Variants in GRM8 observed in about 807,000 individuals in gnomAD.
GRM8 encodes glutamate metabotropic receptor 8.
GRM8 carries 47 observed loss-of-function variants against 87.2 expected under a neutral mutation model. The observed-to-expected ratio is 0.54, with a 90% CI of 0.43 to 0.69. The LOEUF is 0.69. Ranked by LOEUF, GRM8 falls within the 30% of genes least tolerant of loss-of-function variation. GRM8 has a pLI of 0.00. For synonymous variants in GRM8, 396 were observed against 404.5 expected (o/e 0.98, Z 0.25); for missense variants, 1,019 against 1,139.2 (o/e 0.89, Z 1.52).
intron 3 of GRM8, among the ~76,000 whole-genome samples, chr7:127,075,507 TG>T (rs902317518): frequency 3.5e-4 from 53 of 151,982 alleles, no homozygotes; most frequent in African/African-American, 1.1e-3. Flanking sequence ...GAAGTATATG[TG>T]GGGCAGGGGG....
At chr7:127,195,082 A>G (rs1489691192) in intron 2 of GRM8, among the ~76,000 whole-genome samples, 1 of 152,178 alleles carries the variant, frequency 6.6e-6, no homozygotes, top group Non-Finnish European at 1.5e-5. Flanking sequence ...TCTCTTTGCC[A>G]TCCTTCCCAC....
chr7:126,479,612 TC>T (rs1209929530), intron 9 of GRM8, among the ~76,000 whole-genome samples: 1 of 152,114 alleles, frequency 6.6e-6, no homozygotes, highest in Non-Finnish European at 1.5e-5. Flanking sequence ...CTTGTGTTTA[TC>T]CACCAGTCAG....
chr7:126,611,555 T>G (rs1798914775), intron 7 of GRM8, among the ~76,000 whole-genome samples: 1 of 152,262 alleles, frequency 6.6e-6, no homozygotes, highest in South Asian at 2.1e-4. Context: ...CACATTAACA[T>G]GATCAACTTC....
chr7:126,862,212 C>G (rs1238660637), intron 6 of GRM8, among the ~76,000 whole-genome samples: 1 of 151,954 alleles, frequency 6.6e-6, no homozygotes, highest in East Asian at 1.9e-4. Context: ...CAACAATAAT[C>G]TATCCTCTCC....
At chr7:126,442,058 C>T (rs1801530926) in intron 10 of GRM8, among the ~76,000 whole-genome samples, 1 of 151,824 alleles carries the variant, frequency 6.6e-6, no homozygotes, top group Non-Finnish European at 1.5e-5. Flanking sequence ...ATCACTGGTT[C>T]AAAACCTACA....
chr7:126,547,405 TA>T (rs930636559), intron 8 of GRM8, among the ~76,000 whole-genome samples: 16 of 152,158 alleles, frequency 1.1e-4, no homozygotes, highest in Admixed American at 3.3e-4. Context: ...AAATTTCTAT[TA>T]AAAAATTCAG....
intron 7 of GRM8, among the ~76,000 whole-genome samples, chr7:126,670,001 G>A (rs1271668634): frequency 6.6e-6 from 1 of 152,132 alleles, no homozygotes; most frequent in Non-Finnish European, 1.5e-5. Context: ...TGGTTTTTCT[G>A]TAAATTGAAC....
chr7:127,046,707 T>G (rs576126382), intron 3 of GRM8, among the ~76,000 whole-genome samples: 1 of 152,374 alleles, frequency 6.6e-6, no homozygotes, highest in South Asian at 2.1e-4. Context: ...ATCTTGAATT[T>G]TCTTTTAAAT....
chr7:127,068,722 G>A (rs1821381299), intron 3 of GRM8, among the ~76,000 whole-genome samples: 1 of 152,198 alleles, frequency 6.6e-6, no homozygotes, highest in African/African-American at 2.4e-5. Flanking sequence ...CAGAGCAGGA[G>A]ACAGGCTGAA....
At chr7:126,582,411 T>A (rs563296123) in intron 8 of GRM8, among the ~76,000 whole-genome samples, 3 of 152,118 alleles carry the variant, frequency 2.0e-5, no homozygotes, top group African/African-American at 7.2e-5. Flanking sequence ...TCATGAGATT[T>A]AAGGAACAAA....
chr7:126,702,094 A>G (rs1365025163), intron 7 of GRM8, among the ~76,000 whole-genome samples: 1 of 152,220 alleles, frequency 6.6e-6, no homozygotes, highest in Non-Finnish European at 1.5e-5. Context: ...ATTCAACTCA[A>G]TTCAGCAACA....
chr7:126,445,774 C>T lies in GRM8; in HGVS notation c.2677+352G>A, dbSNP rs573357128. 2.0e-4 allele frequency among the ~76,000 whole-genome samples: 31 copies of T among 151,920 alleles called. No individual in the cohort carries two copies. The East Asian group carries it at 6.0e-3, about 30-fold the overall frequency. On this transcript the variant is annotated intron_variant, in intron 10 of 10. Transcript: ENST00000339582. ...AAACTACTGATACTATAAAAAGCAC[C>T]CAGTATGGAACAAGAAAAATTGTGG...
At chr7:126,608,017 G>A (rs1391428080) in intron 8 of GRM8, among the ~76,000 whole-genome samples, 2 of 151,838 alleles carry the variant, frequency 1.3e-5, no homozygotes, top group Non-Finnish European at 2.9e-5. Flanking sequence ...ACTACAGAAC[G>A]TGCTCCATAC....
chr7:127,081,293 T>C (rs769303880), intron 3 of GRM8, among the ~76,000 whole-genome samples: 37 of 152,124 alleles, frequency 2.4e-4, no homozygotes, highest in Non-Finnish European at 5.3e-4. Flanking sequence ...GCCTTCTCCA[T>C]CCCTGTGCAG....
intron 7 of GRM8, among the ~76,000 whole-genome samples, chr7:126,730,599 G>A (rs1813479669): frequency 6.6e-6 from 1 of 152,094 alleles, no homozygotes; most frequent in African/African-American, 2.4e-5. Flanking sequence ...TAGCTAAGGG[G>A]CACTAACCTG....
chr7:126,913,366 C>G (rs1270700399), intron 3 of GRM8, among the ~76,000 whole-genome samples: 1 of 152,130 alleles, frequency 6.6e-6, no homozygotes, highest in Non-Finnish European at 1.5e-5. Flanking sequence ...AATAAGCAAA[C>G]AAAATTACCA....
chr7:126,799,766 T>C (rs1822434068), intron 6 of GRM8, among the ~76,000 whole-genome samples: 1 of 152,168 alleles, frequency 6.6e-6, no homozygotes, highest in African/African-American at 2.4e-5. Flanking sequence ...TTCATGTTGT[T>C]GCTATAATAA....
intron 6 of GRM8, among the ~76,000 whole-genome samples, chr7:126,838,206 T>A (rs771530039): frequency 1.2e-4 from 18 of 152,206 alleles, no homozygotes; most frequent in Non-Finnish European, 2.4e-4. Context: ...TATGCAGTAA[T>A]AGTTACATGA....
At chr7:126,655,025 A>C (rs922677006) in intron 7 of GRM8, among the ~76,000 whole-genome samples, 1 of 152,230 alleles carries the variant, frequency 6.6e-6, no homozygotes, top group Non-Finnish European at 1.5e-5. Flanking sequence ...ACCCAAAGAA[A>C]CAGAACTGAG....
Sources: allele counts gnomAD v4.1 joint callset (sites outside exome capture counted in the v4.1 genomes callset), GRCh38; gene constraint gnomAD v4.1.1; transcripts MANE v1.5; gene names NCBI Gene and HGNC (gene_info 2026-07-23, HGNC 2026-07-21).